Variants in PIK3C3 observed in about 807,000 individuals in gnomAD.
PIK3C3 encodes phosphatidylinositol 3-kinase catalytic subunit type 3.
In PIK3C3, 95 loss-of-function variants were observed where a neutral mutation model predicts 126.1. The ratio of observed to expected loss-of-function variants is 0.75; its 90% CI spans 0.64 to 0.89. The LOEUF (loss-of-function observed/expected upper bound fraction) is 0.89. Ranked by LOEUF, PIK3C3 falls within the 40% of genes least tolerant of loss-of-function variation. The pLI, the probability that PIK3C3 is intolerant of heterozygous loss-of-function variation, is 0.00. For synonymous variants in PIK3C3, 374 were observed against 360.0 expected (o/e 1.04, Z -0.44); for missense variants, 829 against 1,063.2 (o/e 0.78, Z 3.06).
chr18:42,027,397 C>T, intron 13 of PIK3C3, 46 bp from the exon 14 acceptor site: 2 of 1,085,612 alleles, frequency 1.8e-6, no homozygotes, highest in Non-Finnish European at 1.4e-6. Flanking sequence ...CAAACTGAAT[C>T]TAAGTTTCAT....
At chr18:41,975,647 G>A (rs1980879371) in intron 4 of PIK3C3, among the ~76,000 whole-genome samples, 1 of 151,764 alleles carries the variant, frequency 6.6e-6, no homozygotes, top group Non-Finnish European at 1.5e-5. Context: ...TGAAGGAGCT[G>A]GAAAGGTTTC....
intron 20 of PIK3C3, 54 bp from the exon 21 acceptor site, chr18:42,049,477 T>C: frequency 7.6e-7 from 1 of 1,319,190 alleles, no homozygotes; most frequent in Non-Finnish European, 1.1e-6. Context: ...TTCAGTAGAA[T>C]GTATAACCTG....
Position 42,086,472 on chromosome 18 carries a change from TCA to T in PIK3C3, c.*5338_*5339del, listed in dbSNP as rs1320814402. ...TTCCCAGGAAGTTAGGCATTCTTAG[TCA>T]CAGGATGAGATAGGAGATTGGCTCA... On this transcript the variant is annotated 3_prime_UTR_variant, in exon 25 of 25. Coordinates refer to ENST00000262039, the MANE Select transcript of PIK3C3 (RefSeq NM_002647.4). 2 of 152,146 alleles carry T rather than the reference TCA, an allele frequency of 1.3e-5. No homozygotes were observed. Among genetic ancestry groups the T allele is most frequent in the East Asian group, 3.9e-4 (2 of 5,182 alleles). The allele number at this position is 152,146 out of a possible 1,614,324, so 9.4% of individuals were successfully genotyped here. A position where few individuals can be genotyped will look rare whatever the true frequency, so the allele number is the denominator to read the frequency against.
intron 5 of PIK3C3, among the ~76,000 whole-genome samples, chr18:41,988,133 C>CATCTAA (rs201065609): frequency 0.081 from 12,259 of 152,120 alleles, 1,621 homozygotes; most frequent in African/African-American, 0.28. Context: ...TTCTAAATAT[C>CATCTAA]ATATGAGTGA....
intron 4 of PIK3C3, among the ~76,000 whole-genome samples, chr18:41,976,738 A>C (rs925488258): frequency 6.6e-6 from 1 of 152,198 alleles, no homozygotes; most frequent in South Asian, 2.1e-4. Context: ...GCACTAATAA[A>C]TGTTAGCTGT....
At chr18:42,037,316 C>G (rs538147708) in intron 16 of PIK3C3, among the ~76,000 whole-genome samples, 1 of 152,316 alleles carries the variant, frequency 6.6e-6, no homozygotes, top group East Asian at 1.9e-4. Context: ...AGGCATGGTG[C>G]CAGACTATTG....
intron 4 of PIK3C3, among the ~76,000 whole-genome samples, chr18:41,978,289 T>G (rs955658495): frequency 6.6e-6 from 1 of 152,170 alleles, no homozygotes; most frequent in Non-Finnish European, 1.5e-5. Context: ...AAAGAAGTGA[T>G]TAATGAAAAG....
At chr18:42,032,145 A>G (rs71352021) in intron 15 of PIK3C3, among the ~76,000 whole-genome samples, 124 of 152,312 alleles carry the variant, frequency 8.1e-4, no homozygotes, top group Non-Finnish European at 1.6e-3. Flanking sequence ...GTAAGAGAGC[A>G]AGCCGGTCTT....
At chr18:41,993,523 C>T (rs1253543828) in intron 7 of PIK3C3, among the ~76,000 whole-genome samples, 182 bp downstream of exon 7, 1 of 152,018 alleles carries the variant, frequency 6.6e-6, no homozygotes, top group African/African-American at 2.4e-5. Context: ...GGAATATTAA[C>T]ATCTTAAAAC....
At chr18:42,076,127 T>TGC (rs1985989628) in intron 24 of PIK3C3, among the ~76,000 whole-genome samples, 1 of 75,846 alleles carries the variant, frequency 1.3e-5, no homozygotes, top group African/African-American at 6.8e-5. Flanking sequence ...TATATGCGCA[T>TGC]ATATATATAT....
chr18:42,005,258 C>CT (rs779478254), intron 10 of PIK3C3, among the ~76,000 whole-genome samples: 44 of 152,126 alleles, frequency 2.9e-4, no homozygotes, highest in Non-Finnish European at 5.9e-4. Context: ...GGTTACAAAC[C>CT]TGTATAGCAT....
chr18:42,000,925 C>T (rs1982258679), intron 9 of PIK3C3, among the ~76,000 whole-genome samples: 1 of 152,024 alleles, frequency 6.6e-6, no homozygotes, highest in Non-Finnish European at 1.5e-5. Flanking sequence ...CACAGCCACA[C>T]CATATCAGTA....
chr18:42,018,377 G>A (rs559779279), intron 12 of PIK3C3, among the ~76,000 whole-genome samples: 23 of 152,128 alleles, frequency 1.5e-4, no homozygotes, highest in African/African-American at 5.5e-4. Flanking sequence ...AAACGTGTTT[G>A]CTATTGAAAT....
Position 41,996,646 on chromosome 18 carries a change from G to A in PIK3C3, c.900G>A (p.Val300=). ...TTCTTTTTTTGTTTTAGATTATTGTGAGTTATCCACCAACCAAGCAACTTA... is the reference window on the plus strand; with the variant it reads ...TTCTTTTTTTGTTTTAGATTATTGTAAGTTATCCACCAACCAAGCAACTTA... The part of the protein sequence containing the change: ...AATRDQLNII[V]SYPPTKQLTY... The change falls in exon 9 of 25, where the codon GTG becomes GTA. Residue 300 remains valine, a synonymous_variant. Coordinates refer to ENST00000262039, the MANE Select transcript of PIK3C3 (RefSeq NM_002647.4). 1 of 1,539,272 alleles carries A rather than the reference G, an allele frequency of 6.5e-7. No homozygotes were observed. Among genetic ancestry groups the A allele is most frequent in the Non-Finnish European group, 8.8e-7 (1 of 1,130,018 alleles).
At chr18:41,968,941 C>G (rs1170747228) in intron 3 of PIK3C3, among the ~76,000 whole-genome samples, 1 of 151,750 alleles carries the variant, frequency 6.6e-6, no homozygotes, top group Non-Finnish European at 1.5e-5. Flanking sequence ...CCTCAGCCCC[C>G]TAAAAACTAC....
chr18:42,029,508 T>C, intron 15 of PIK3C3, 67 bp downstream of exon 15: 2 of 827,614 alleles, frequency 2.4e-6, no homozygotes, highest in Non-Finnish European at 4.2e-6. Flanking sequence ...GAATTTTCAC[T>C]ATTGTCTTTT....
chr18:42,051,634 A>G (rs1357901460), intron 21 of PIK3C3, among the ~76,000 whole-genome samples: 1 of 152,188 alleles, frequency 6.6e-6, no homozygotes, highest in Admixed American at 6.6e-5. Flanking sequence ...AAAGAATATA[A>G]TCAGAGTGTC....
chr18:41,993,202 G>GTACA, intron 6 of PIK3C3, 68 bp from the exon 7 acceptor site: 3 of 848,414 alleles, frequency 3.5e-6, no homozygotes, highest in Non-Finnish European at 5.8e-6. Context: ...ACATTGATGT[G>GTACA]TACATCATAT....
rs902636187 is a variant in PIK3C3 at position 42,033,819 on chromosome 18, G to C, written c.1708-7G>C. The C allele has an allele frequency of 5.7e-6, 9 of 1,589,532 alleles. No homozygotes were observed. The South Asian group carries it at 8.0e-5, about 14-fold the overall frequency. On this transcript the variant is annotated splice_polypyrimidine_tract_variant and splice_region_variant and intron_variant, in intron 15 of 24. Coordinates refer to ENST00000262039, the MANE Select transcript of PIK3C3 (RefSeq NM_002647.4). Reference sequence around the variant, plus strand: ...TAACCTCATTAATCCTTTCTGATTTGTTCTAGAATGAGAGACTACAGGCAT... The same window carrying C: ...TAACCTCATTAATCCTTTCTGATTTCTTCTAGAATGAGAGACTACAGGCAT...
Sources: gnomAD v4.1 joint callset for allele counts (sites outside exome capture counted in the v4.1 genomes callset) on GRCh38, gnomAD v4.1.1 for gene constraint, MANE v1.5 for transcripts, NCBI Gene and HGNC (gene_info 2026-07-23, HGNC 2026-07-21) for gene names.